EFCAB8: variants seen among roughly 807,000 people sequenced by gnomAD.
EFCAB8 encodes the protein EF-hand calcium-binding domain-containing protein 8.
EFCAB8 carries 100 observed loss-of-function variants against 116.3 expected under a neutral mutation model. The observed-to-expected ratio is 0.86, with a 90% CI of 0.73 to 1.02. EFCAB8 has a LOEUF of 1.02. Ranked by LOEUF, EFCAB8 falls within the 50% of genes least tolerant of loss-of-function variation. The pLI, the probability that EFCAB8 is intolerant of heterozygous loss-of-function variation, is 0.00. For missense variants in EFCAB8, 1,320 were observed against 1,416.9 expected, an observed-to-expected ratio of 0.93 and a Z score of 1.10; for synonymous variants, 558 against 567.9, an observed-to-expected ratio of 0.98 and a Z score of 0.25.
intron 23 of EFCAB8, among the ~76,000 whole-genome samples, chr20:32,949,944 G>T (rs1263373574): frequency 1.3e-5 from 2 of 152,202 alleles, no homozygotes; most frequent in Non-Finnish European, 2.9e-5. Flanking sequence ...AGGCTGCAGT[G>T]AGCCAAGATC....
At chr20:32,909,787 C>T (rs1986833712) in intron 14 of EFCAB8, 34 bp from the exon 15 acceptor site, 3 of 1,143,616 alleles carry the variant, frequency 2.6e-6, no homozygotes, top group South Asian at 4.5e-5. Flanking sequence ...GCCCTTCTGA[C>T]AGACAAGCTC....
intron 20 of EFCAB8, among the ~76,000 whole-genome samples, chr20:32,927,014 G>A (rs1190844077): frequency 6.6e-6 from 1 of 151,876 alleles, no homozygotes; most frequent in Non-Finnish European, 1.5e-5. Context: ...ATAGTCCTTT[G>A]GGTATACCAC....
intron 10 of EFCAB8, 84 bp downstream of exon 10, chr20:32,896,611 T>A (rs11167186): frequency 0.35 from 243,157 of 698,138 alleles, 49,194 homozygotes; most frequent in Middle Eastern, 0.44. Flanking sequence ...AAAGTGGATT[T>A]ACTCCCTGGG....
rs868153342 is a variant in EFCAB8 at position 32,959,848 on chromosome 20, C to A, written c.3160C>A (p.His1054Asn). Residue 1054 changes from histidine to asparagine, a missense_variant, in exon 25 of 27, where the codon CAT (histidine) becomes AAT (asparagine). His to Asn is a moderately conservative substitution (Grantham distance 68, BLOSUM62 1). Coordinates refer to ENST00000400522, the MANE Select transcript of EFCAB8 (RefSeq NM_001143967.2). ...REQAALMALL[H>N]GKADKEADTW... ...GCAGGCGGCGCTGATGGCTCTCCTG[C>A]ATGGGAAGGCAGATAAGGAGGCAGA... is the stretch of plus-strand genomic sequence containing the variant. The A allele has an allele frequency of 6.5e-7, 1 of 1,548,502 alleles. No individual in the cohort carries two copies. The highest frequency in any genetic ancestry group is 8.7e-7 in the Non-Finnish European group (1 of 1,145,068).
At chr20:32,906,667 G>T (rs549007479) in intron 12 of EFCAB8, 38 bp downstream of exon 12, 7 of 717,588 alleles carry the variant, frequency 9.8e-6, no homozygotes, top group Non-Finnish European at 1.8e-5. Context: ...CTGCTGGGGG[G>T]AGGGCTGCTG....
chr20:32,911,654 A>G lies in EFCAB8; in HGVS notation c.1732A>G (p.Asn578Asp). 1 of 1,551,748 alleles carries G rather than the reference A, an allele frequency of 6.4e-7. No homozygotes were observed. Among genetic ancestry groups the G allele is most frequent in the Non-Finnish European group, 8.7e-7 (1 of 1,147,006 alleles). ...GCGGGATGGCACAATGAAGATGTGG[A>G]ACTACAACATTGGCAAATGCCTGTT... The part of the protein sequence containing the change: ...GLRDGTMKMW[N>D]YNIGKCLLTF... Residue 578 changes from asparagine to aspartate, a missense_variant, in exon 16 of 27, where the codon AAC (asparagine) becomes GAC (aspartate). By Grantham distance (23) the Asn-to-Asp change is conservative. Transcript: ENST00000400522.
At chr20:32,878,912 C>A in intron 5 of EFCAB8, 105 bp downstream of exon 5, 2 of 974,490 alleles carry the variant, frequency 2.1e-6, no homozygotes, top group Non-Finnish European at 3.1e-6. Flanking sequence ...CTGGTGCTGA[C>A]CAGGGGCTGG....
rs749658534 is a variant in EFCAB8, at chr20:32,920,194, A to G, written c.2391A>G (p.Gln797=). The change falls in exon 20 of 27, where the codon CAA becomes CAG. Residue 797 remains glutamine, a synonymous_variant. Transcript: ENST00000400522. Reference sequence around the variant, plus strand: ...AATGGCAGAAGAATATGTTGGTTCAATCCAGTGCCTCGGTGGAGAAGGTTG... The same window carrying G: ...AATGGCAGAAGAATATGTTGGTTCAGTCCAGTGCCTCGGTGGAGAAGGTTG... ...KGEWQKNMLV[Q]SSASVEKIIF... is the part of the protein sequence containing the mutation. The G allele has an allele frequency of 4.7e-5, 73 of 1,551,582 alleles. No individual in the cohort carries two copies. The highest frequency in any genetic ancestry group is 5.4e-5 in the Non-Finnish European group (62 of 1,147,000).
At chr20:32,921,831 C>CTTTTTTTTTTTT (rs11483441) in intron 20 of EFCAB8, among the ~76,000 whole-genome samples, 2 of 130,212 alleles carry the variant, frequency 1.5e-5, no homozygotes, top group African/African-American at 5.8e-5. Context: ...TTACCTTATT[C>CTTTTTTTTTTTT]TTTTTTTTTT....
At chr20:32,866,855 C>G (rs1216978571) in intron 2 of EFCAB8, among the ~76,000 whole-genome samples, 1 of 138,198 alleles carries the variant, frequency 7.2e-6, no homozygotes, top group Non-Finnish European at 1.5e-5. Context: ...CTTTCTTTCT[C>G]TCTCTCTTTC....
In EFCAB8 at chr20:32,920,096, G is replaced by A; in HGVS notation, c.2293G>A (p.Gly765Ser). Residue 765 changes from glycine (G) to serine (S), a missense_variant, in exon 20 of 27, where the codon GGC becomes AGC. Coordinates refer to ENST00000400522, the MANE Select transcript of EFCAB8 (RefSeq NM_001143967.2). ...VPQQKPSSAS[G>S]TSRQSSKIHS... ...TTTCCAGAAACCTTCCAGTGCTTCT[G>A]GCACATCCAGGCAGTCAAGCAAGAT... is the stretch of plus-strand genomic sequence containing the variant. The A allele has an allele frequency of 6.4e-7, 1 of 1,551,674 alleles. No individual in the cohort carries two copies. Among genetic ancestry groups the A allele is most frequent in the South Asian group, 1.2e-5 (1 of 84,054 alleles).
chr20:32,943,224 G>A (rs1175783018), intron 22 of EFCAB8, among the ~76,000 whole-genome samples: 1 of 152,182 alleles, frequency 6.6e-6, no homozygotes, highest in African/African-American at 2.4e-5. Context: ...GCTTAGGCTA[G>A]TTATTGAACA....
At chr20:32,952,484 A>G (rs889816909) in intron 23 of EFCAB8, among the ~76,000 whole-genome samples, 5 of 152,210 alleles carry the variant, frequency 3.3e-5, no homozygotes, top group African/African-American at 1.2e-4. Flanking sequence ...CACTTGTTCC[A>G]GCACTATTTT....
intron 2 of EFCAB8, among the ~76,000 whole-genome samples, chr20:32,864,975 G>T (rs1984315880): frequency 2.0e-5 from 3 of 152,178 alleles, no homozygotes; most frequent in Admixed American, 2.0e-4. Context: ...TCTCTGTTTT[G>T]CAGATGAGGA....
chr20:32,931,174 CTAGA>C lies in EFCAB8; in HGVS notation c.2632-2_2633del. 1.3e-6 allele frequency: 2 copies of C among 1,535,716 alleles called. No individual in the cohort carries two copies. The highest frequency in any genetic ancestry group is 8.8e-7 in the Non-Finnish European group (1 of 1,139,534). On this transcript the variant is annotated splice_acceptor_variant and splice_polypyrimidine_tract_variant and coding_sequence_variant and intron_variant, in exon 22 of 27. Transcript: ENST00000400522. LOFTEE classifies it high-confidence loss of function. ...GAGGCCACTAACCCACACTTTATGT[CTAGA>C]TCTGGGACATCAAGGATTACTGCGC...
intron 20 of EFCAB8, among the ~76,000 whole-genome samples, chr20:32,927,451 T>C (rs1172035413): frequency 6.6e-6 from 1 of 152,102 alleles, no homozygotes; most frequent in Non-Finnish European, 1.5e-5. Flanking sequence ...TACCAGCAAT[T>C]CTTCTGCCTC....
At chr20:32,934,044 A>G (rs572778698) in intron 22 of EFCAB8, among the ~76,000 whole-genome samples, 7 of 145,716 alleles carry the variant, frequency 4.8e-5, no homozygotes, top group African/African-American at 7.7e-5. Flanking sequence ...GATGAGGTCT[A>G]TGTTGCCCAG....
chr20:32,885,925 G>A (rs577648301), intron 6 of EFCAB8, among the ~76,000 whole-genome samples: 1 of 152,292 alleles, frequency 6.6e-6, no homozygotes, highest in South Asian at 2.1e-4. Context: ...TGCCCACCAG[G>A]TTTCCTTCTC....
intron 23 of EFCAB8, among the ~76,000 whole-genome samples, chr20:32,944,171 G>A (rs188435098): frequency 6.6e-6 from 1 of 152,190 alleles, no homozygotes; most frequent in East Asian, 1.9e-4. Flanking sequence ...TATAGCCACC[G>A]TTCATGTCAA....
Sources: gnomAD v4.1 joint callset for allele counts (sites outside exome capture counted in the v4.1 genomes callset) on GRCh38, gnomAD v4.1.1 for gene constraint, MANE v1.5 for transcripts, NCBI Gene and HGNC (gene_info 2026-07-23, HGNC 2026-07-21) for gene names.